DOCK5: variants seen among roughly 807,000 people sequenced by gnomAD.
DOCK5 encodes dedicator of cytokinesis 5.
In DOCK5, 142 loss-of-function variants were observed where a neutral mutation model predicts 251.8. The observed-to-expected ratio is 0.56, with a 90% CI of 0.49 to 0.65. The LOEUF is 0.65. Among genes scored for constraint, DOCK5 ranks in the 30% least tolerant of loss-of-function variants. The pLI is 0.00. For synonymous variants in DOCK5, 842 were observed against 835.5 expected, an observed-to-expected ratio of 1.01 and a Z score of -0.13; for missense variants, 2,111 against 2,312.3, an observed-to-expected ratio of 0.91 and a Z score of 1.79.
At chr8:25,359,360 A>G (rs578115282) in intron 28 of DOCK5, among the ~76,000 whole-genome samples, 1 of 142,820 alleles carries the variant, frequency 7.0e-6, no homozygotes, top group African/African-American at 2.6e-5. Flanking sequence ...TGAAAACAGG[A>G]CTTAATACTT....
At chr8:25,377,260 G>T in intron 37 of DOCK5, 45 bp from the exon 38 acceptor site, 1 of 1,563,486 alleles carries the variant, frequency 6.4e-7, no homozygotes, top group South Asian at 1.2e-5. Flanking sequence ...TTGGGGGGCT[G>T]AATATTTGTT....
At chr8:25,338,161 C>T (rs573856657) in intron 22 of DOCK5, among the ~76,000 whole-genome samples, 1 of 152,060 alleles carries the variant, frequency 6.6e-6, no homozygotes, top group Admixed American at 6.5e-5. Flanking sequence ...CCAACCTTAG[C>T]CCCCCAAGTA....
At chr8:25,383,281 A>C (rs1355416621) in intron 40 of DOCK5, among the ~76,000 whole-genome samples, 1 of 152,206 alleles carries the variant, frequency 6.6e-6, no homozygotes, top group Non-Finnish European at 1.5e-5. Flanking sequence ...TCTTACGAAA[A>C]GTTTCTTTTA....
In DOCK5 at chr8:25,339,193, C is replaced by T. The variant is rs1435306161; in HGVS notation, c.2328-1684C>T. On this transcript the variant is annotated intron_variant, in intron 22 of 51. Coordinates refer to ENST00000276440, the MANE Select transcript of DOCK5 (RefSeq NM_024940.8). ...GGTCCCTGGGCCCCCTGTTGCCTTCCGCAGAGCTTAAATCTCTCTTATGAG... is the reference window on the plus strand; with the variant it reads ...GGTCCCTGGGCCCCCTGTTGCCTTCTGCAGAGCTTAAATCTCTCTTATGAG... Among the ~76,000 whole-genome samples the T allele has an allele frequency of 3.3e-5, 5 of 152,274 alleles. No homozygotes were observed. In the South Asian group the frequency reaches 6.2e-4, roughly 19 times the overall value.
chr8:25,224,781 G>A (rs1401603299), intron 1 of DOCK5, among the ~76,000 whole-genome samples: 2 of 152,140 alleles, frequency 1.3e-5, no homozygotes, highest in African/African-American at 4.8e-5. Flanking sequence ...ATACAGAAAT[G>A]TATAAAGAAA....
At chr8:25,209,171 G>T in intron 1 of DOCK5, among the ~76,000 whole-genome samples, 1 of 75,392 alleles carries the variant, frequency 1.3e-5, no homozygotes, top group African/African-American at 3.1e-5. Context: ...GAGGCTCAGA[G>T]CACATTAGCG....
At chr8:25,360,160 G>A (rs1800651061) in intron 28 of DOCK5, among the ~76,000 whole-genome samples, 1 of 152,226 alleles carries the variant, frequency 6.6e-6, no homozygotes, top group Admixed American at 6.5e-5. Flanking sequence ...TGCCCCCATG[G>A]ATTCGCAGCT....
chr8:25,275,327 T>G, intron 3 of DOCK5, 59 bp from the exon 4 acceptor site: 1 of 1,423,942 alleles, frequency 7.0e-7, no homozygotes, highest in Non-Finnish European at 9.7e-7. Flanking sequence ...GCTGAGGTGT[T>G]TTTGTTTGGT....
At chr8:25,277,713 G>T (rs777204955) in intron 4 of DOCK5, among the ~76,000 whole-genome samples, 20 of 152,134 alleles carry the variant, frequency 1.3e-4, no homozygotes, top group Non-Finnish European at 2.8e-4. Context: ...ACACCAATTA[G>T]GGTTATACAG....
chr8:25,251,703 A>G lies in DOCK5; in HGVS notation c.127+7946A>G, dbSNP rs1287615824. 2.0e-5 allele frequency among the ~76,000 whole-genome samples: 3 copies of G among 152,244 alleles called. No individual in the cohort carries two copies. The East Asian group carries it at 5.8e-4, about 29-fold the overall frequency. ...CTAACAGAGATATAAAAAAGAAGAG[A>G]GTGGGCTGGGTGCGGTAGCTCATGC... On this transcript the variant is annotated intron_variant, in intron 2 of 51. Coordinates refer to ENST00000276440, the MANE Select transcript of DOCK5 (RefSeq NM_024940.8).
At chr8:25,224,015 G>A (rs1020433293) in intron 1 of DOCK5, among the ~76,000 whole-genome samples, 5 of 152,170 alleles carry the variant, frequency 3.3e-5, no homozygotes, top group African/African-American at 1.2e-4. Context: ...ATTGCACTCA[G>A]TTAATATTTG....
intron 18 of DOCK5, 95 bp downstream of exon 18, chr8:25,325,642 G>C: frequency 4.9e-6 from 7 of 1,416,058 alleles, no homozygotes; most frequent in Non-Finnish European, 6.7e-6. Flanking sequence ...TATGGGGCTG[G>C]GTCTTATTAG....
chr8:25,265,483 G>T (rs148397671), intron 2 of DOCK5, among the ~76,000 whole-genome samples: 2 of 151,914 alleles, frequency 1.3e-5, no homozygotes, highest in East Asian at 3.9e-4. Flanking sequence ...ATTCCTTTTA[G>T]CTTCTTAGAG....
chr8:25,221,056 G>C (rs919571065), intron 1 of DOCK5, among the ~76,000 whole-genome samples: 1 of 152,080 alleles, frequency 6.6e-6, no homozygotes, highest in African/African-American at 2.4e-5. Context: ...TACCTCTCCA[G>C]TCTGTCCCTA....
chr8:25,276,800 C>G (rs1179265533), intron 4 of DOCK5: 2 of 152,134 alleles, frequency 1.3e-5, no homozygotes, highest in Non-Finnish European at 2.9e-5. Context: ...TTATCCAAAA[C>G]TCCAAAAGGC....
At chr8:25,321,197 T>G in intron 16 of DOCK5, 145 bp downstream of exon 16, 1 of 696,986 alleles carries the variant, frequency 1.4e-6, no homozygotes, top group Admixed American at 2.5e-5. Flanking sequence ...GCTAAGGAAA[T>G]CAGCATAATG....
chr8:25,328,149 GTTCC>G (rs1245123578), intron 18 of DOCK5, among the ~76,000 whole-genome samples: 8 of 151,888 alleles, frequency 5.3e-5, no homozygotes, highest in African/African-American at 1.9e-4. Flanking sequence ...ATCACAGAAT[GTTCC>G]TTTGGATGAC....
intron 21 of DOCK5, among the ~76,000 whole-genome samples, chr8:25,335,273 G>A (rs1472368632): frequency 6.6e-6 from 1 of 152,150 alleles, no homozygotes; most frequent in Non-Finnish European, 1.5e-5. Flanking sequence ...TCACATCCAG[G>A]TGGGCAATAG....
chr8:25,392,303 CA>C (rs11309985), intron 43 of DOCK5, among the ~76,000 whole-genome samples: 80,733 of 116,212 alleles, frequency 0.69, 26,506 homozygotes, highest in Middle Eastern at 0.79. Flanking sequence ...GACTTCGTCT[CA>C]AAAAAAAAAA....
Sources: allele counts gnomAD v4.1 joint callset (sites outside exome capture counted in the v4.1 genomes callset), GRCh38; gene constraint gnomAD v4.1.1; transcripts MANE v1.5; gene names NCBI Gene and HGNC (gene_info 2026-07-23, HGNC 2026-07-21).